Variants in GRIA1 observed in about 807,000 individuals in gnomAD.
GRIA1 encodes glutamate receptor 1.
GRIA1 carries 31 observed loss-of-function variants against 99.2 expected under a neutral mutation model. The observed-to-expected ratio is 0.31, with a 90% CI of 0.23 to 0.42. The LOEUF is 0.42. Among genes scored for constraint, GRIA1 ranks in the 10% least tolerant of loss-of-function variants. The pLI is 1.00. For missense variants in GRIA1, 782 were observed against 1,157.5 expected (o/e 0.68, Z 4.71); for synonymous variants, 438 against 432.4 (o/e 1.01, Z -0.16).
chr5:153,517,089 C>G (rs146865194), intron 2 of GRIA1, among the ~76,000 whole-genome samples: 1 of 152,134 alleles, frequency 6.6e-6, no homozygotes, highest in African/African-American at 2.4e-5. Flanking sequence ...CATCCATTCA[C>G]GAATACATTG....
At chr5:153,660,446 T>G (rs139595979) in intron 5 of GRIA1, among the ~76,000 whole-genome samples, 44 of 152,300 alleles carry the variant, frequency 2.9e-4, no homozygotes, top group African/African-American at 1.0e-3. Flanking sequence ...GTGATGGAGC[T>G]GCACTTCTCC....
intron 5 of GRIA1, among the ~76,000 whole-genome samples, chr5:153,663,787 A>T (rs1173387749): frequency 1.3e-5 from 2 of 152,238 alleles, no homozygotes; most frequent in African/African-American, 4.8e-5. Flanking sequence ...GATTGTCTTC[A>T]GTTCAGAGGT....
intron 2 of GRIA1, among the ~76,000 whole-genome samples, chr5:153,589,194 C>G (rs374562992): frequency 1.4e-4 from 22 of 152,100 alleles, no homozygotes; most frequent in Admixed American, 1.4e-3. Flanking sequence ...GTACTTTATA[C>G]TGCCTGGAGG....
chr5:153,528,561 A>G (rs567839655), intron 2 of GRIA1, among the ~76,000 whole-genome samples: 1 of 152,158 alleles, frequency 6.6e-6, no homozygotes. Flanking sequence ...AAGAATTTGC[A>G]TTTCTACCAA....
At chr5:153,531,941 G>C (rs919631381) in intron 2 of GRIA1, among the ~76,000 whole-genome samples, 2 of 152,006 alleles carry the variant, frequency 1.3e-5, no homozygotes, top group African/African-American at 4.8e-5. Context: ...TAAGTGGTAG[G>C]GTCCACTTGA....
chr5:153,760,084 C>A (rs935287251), intron 11 of GRIA1, among the ~76,000 whole-genome samples: 2 of 151,968 alleles, frequency 1.3e-5, no homozygotes, highest in Non-Finnish European at 2.9e-5. Flanking sequence ...ATACAGCTAA[C>A]ATCATATTGA....
intron 2 of GRIA1, among the ~76,000 whole-genome samples, chr5:153,602,748 T>G (rs1334849745): frequency 6.6e-6 from 1 of 152,054 alleles, no homozygotes; most frequent in African/African-American, 2.4e-5. Context: ...ATCTCTACGA[T>G]GGAGGAAGGG....
intron 2 of GRIA1, among the ~76,000 whole-genome samples, chr5:153,510,990 G>C (rs968018104): frequency 6.6e-6 from 1 of 152,180 alleles, no homozygotes; most frequent in Non-Finnish European, 1.5e-5. Flanking sequence ...ATTAAGCAAA[G>C]TATAAGGGGT....
intron 2 of GRIA1, among the ~76,000 whole-genome samples, chr5:153,538,707 G>A (rs79681730): frequency 0.015 from 2,226 of 152,196 alleles, 61 homozygotes; most frequent in African/African-American, 0.051. Context: ...CCCTTTTTGT[G>A]TGACACTTGC....
intron 5 of GRIA1, 116 bp downstream of exon 5, chr5:153,655,988 T>A: frequency 1.2e-6 from 1 of 806,626 alleles, no homozygotes; most frequent in Non-Finnish European, 2.2e-6. Context: ...AATTCAGGGC[T>A]GTAATAATGA....
intron 2 of GRIA1, among the ~76,000 whole-genome samples, chr5:153,538,966 G>C (rs1758829729): frequency 6.6e-6 from 1 of 152,136 alleles, no homozygotes; most frequent in Non-Finnish European, 1.5e-5. Flanking sequence ...TCTTGGTTCT[G>C]TTCTTGAATT....
Position 153,593,306 on chromosome 5 carries a change from A to C in GRIA1, c.221-53622A>C, listed in dbSNP as rs552870974. 2.0e-5 allele frequency among the ~76,000 whole-genome samples: 3 copies of C among 152,200 alleles called. No individual in the cohort carries two copies. The East Asian group carries it at 5.8e-4, about 29-fold the overall frequency. On this transcript the variant is annotated intron_variant, in intron 2 of 15. Coordinates refer to ENST00000285900, the MANE Select transcript of GRIA1 (RefSeq NM_000827.4). ...TAATAATAAATCTGATTACCCCCCAAAGACTCCATCTTCTAATCCTATCCC... is the reference window on the plus strand; with the variant it reads ...TAATAATAAATCTGATTACCCCCCACAGACTCCATCTTCTAATCCTATCCC...
chr5:153,617,910 C>T (rs1246822408), intron 2 of GRIA1, among the ~76,000 whole-genome samples: 2 of 152,192 alleles, frequency 1.3e-5, no homozygotes, highest in Non-Finnish European at 2.9e-5. Context: ...CTCACATGTA[C>T]ACCATGCTTT....
chr5:153,782,217 G>A (rs766204653), intron 13 of GRIA1, among the ~76,000 whole-genome samples: 3 of 152,198 alleles, frequency 2.0e-5, no homozygotes, highest in Non-Finnish European at 4.4e-5. Context: ...TAATGAATCA[G>A]TGGCACAGAG....
chr5:153,634,045 G>A (rs1470610989), intron 2 of GRIA1, among the ~76,000 whole-genome samples: 3 of 152,106 alleles, frequency 2.0e-5, no homozygotes, highest in African/African-American at 7.2e-5. Flanking sequence ...GACCGGGCAC[G>A]GTGGCTCACT....
chr5:153,752,674 G>A (rs1762576867), intron 11 of GRIA1, among the ~76,000 whole-genome samples: 1 of 152,226 alleles, frequency 6.6e-6, no homozygotes, highest in Non-Finnish European at 1.5e-5. Context: ...GTGACCAGCA[G>A]TGTCTGCCAT....
intron 2 of GRIA1, among the ~76,000 whole-genome samples, chr5:153,625,921 CA>C (rs1767556463): frequency 6.6e-6 from 1 of 152,068 alleles, no homozygotes; most frequent in Admixed American, 6.6e-5. Flanking sequence ...AGGCTCATGC[CA>C]CAAACAAGCA....
chr5:153,791,142 AAAGAAG>A (rs59305321), intron 13 of GRIA1, among the ~76,000 whole-genome samples: 52 of 151,338 alleles, frequency 3.4e-4, no homozygotes, highest in African/African-American at 1.0e-3. Flanking sequence ...CCTTAAAAAA[AAAGAAG>A]AAGAAGACCA....
At chr5:153,810,064 C>T (rs902951846) in intron 15 of GRIA1, among the ~76,000 whole-genome samples, 3 of 152,154 alleles carry the variant, frequency 2.0e-5, no homozygotes, top group Admixed American at 6.5e-5. Context: ...TCCAAAGGAA[C>T]GCTCAACAGA....
Sources: allele counts gnomAD v4.1 joint callset (sites outside exome capture counted in the v4.1 genomes callset), GRCh38; gene constraint gnomAD v4.1.1; transcripts MANE v1.5; gene names NCBI Gene and HGNC (gene_info 2026-07-23, HGNC 2026-07-21).